Variants in COP1 observed in about 807,000 individuals in gnomAD.
The protein encoded by COP1 is E3 ubiquitin-protein ligase COP1.
In COP1, 24 loss-of-function variants were observed where a neutral mutation model predicts 101.3. The observed-to-expected ratio is 0.24, with a 90% confidence interval of 0.17 to 0.33. The LOEUF is 0.33. Ranked by LOEUF, COP1 falls within the 10% of genes least tolerant of loss-of-function variation. COP1 has a pLI of 1.00. For missense variants in COP1, 663 were observed against 906.2 expected, an observed-to-expected ratio of 0.73 and a Z score of 3.45; for synonymous variants, 347 against 341.9, an observed-to-expected ratio of 1.01 and a Z score of -0.17.
chr1:176,190,990 TA>T (rs1699059464), intron 1 of COP1, among the ~76,000 whole-genome samples: 1 of 152,006 alleles, frequency 6.6e-6, no homozygotes, highest in African/African-American at 2.4e-5. Context: ...AAACAAGCAG[TA>T]GTTACACCTC....
chr1:175,961,932 T>A (rs1231493924), intron 18 of COP1, among the ~76,000 whole-genome samples: 1 of 151,430 alleles, frequency 6.6e-6, no homozygotes, highest in Non-Finnish European at 1.5e-5. Flanking sequence ...GGTTTTGGAA[T>A]GATGACAAAT....
intron 18 of COP1, chr1:175,968,407 A>C (rs1190517525): frequency 1.9e-6 from 1 of 516,216 alleles, no homozygotes; most frequent in Admixed American, 2.0e-5. Flanking sequence ...GGCTGTACGG[A>C]GGGGAACGAT....
intron 9 of COP1, among the ~76,000 whole-genome samples, chr1:176,102,931 C>T (rs1683658975): frequency 6.6e-6 from 1 of 152,202 alleles, no homozygotes; most frequent in Non-Finnish European, 1.5e-5. Context: ...CTAATCAGCA[C>T]TCTTGACTCA....
intron 18 of COP1, among the ~76,000 whole-genome samples, chr1:175,969,426 G>C (rs1652805794): frequency 6.6e-6 from 1 of 152,120 alleles, no homozygotes; most frequent in Admixed American, 6.5e-5. Context: ...TCTCATTCCA[G>C]AGTTGCCTAT....
At chr1:176,162,348 A>G (rs1306399969) in intron 5 of COP1, among the ~76,000 whole-genome samples, 1 of 152,206 alleles carries the variant, frequency 6.6e-6, no homozygotes, top group African/African-American at 2.4e-5. Flanking sequence ...TTCACATTTT[A>G]CGTCTTTAAC....
At chr1:175,949,193 T>C (rs796159456) in intron 18 of COP1, among the ~76,000 whole-genome samples, 6 of 34,822 alleles carry the variant, frequency 1.7e-4, no homozygotes, top group Non-Finnish European at 3.9e-4. Flanking sequence ...AAAAAAAAAA[T>C]GAACATGGGT....
At chr1:175,969,521 C>G (rs190347500) in intron 18 of COP1, among the ~76,000 whole-genome samples, 2 of 152,236 alleles carry the variant, frequency 1.3e-5, no homozygotes, top group East Asian at 3.9e-4. Flanking sequence ...CTAAGTTGCC[C>G]CCAGTTTATT....
intron 15 of COP1, among the ~76,000 whole-genome samples, chr1:176,008,126 C>G (rs1411819753): frequency 1.3e-5 from 2 of 152,220 alleles, no homozygotes; most frequent in Non-Finnish European, 2.9e-5. Context: ...TCCGTCACCC[C>G]TTTCTTTGAC....
Position 176,075,866 on chromosome 1 carries a change from G to A in COP1, c.1277+5286C>T, listed in dbSNP as rs563883367. 5.5e-4 allele frequency among the ~76,000 whole-genome samples: 84 copies of A among 152,084 alleles called. No homozygotes were observed. The South Asian group carries it at 6.7e-3, about 12-fold the overall frequency. ...AAAAATACAAAAATTAGCCAGGCAT[G>A]GTGGTGGGCACCTGTAATCCCAGCT... On this transcript the variant is annotated intron_variant, in intron 11 of 19. Coordinates refer to ENST00000367669, the MANE Select transcript of COP1 (RefSeq NM_022457.7).
At chr1:176,000,374 G>C (rs948784994) in intron 15 of COP1, among the ~76,000 whole-genome samples, 1 of 152,014 alleles carries the variant, frequency 6.6e-6, no homozygotes, top group African/African-American at 2.4e-5. Context: ...TCCAGTGTAT[G>C]TTCTTGGCAA....
At chr1:175,972,640 T>C (rs1445348169) in intron 18 of COP1, among the ~76,000 whole-genome samples, 1 of 151,498 alleles carries the variant, frequency 6.6e-6, no homozygotes, top group Non-Finnish European at 1.5e-5. Context: ...AATTTTTGTA[T>C]TTTTTAGTAG....
At chr1:176,195,358 C>A (rs1346401709) in intron 1 of COP1, among the ~76,000 whole-genome samples, 1 of 152,146 alleles carries the variant, frequency 6.6e-6, no homozygotes, top group East Asian at 1.9e-4. Flanking sequence ...TAAAAGGAGA[C>A]ATAGCCAAAT....
chr1:175,963,151 C>G (rs888435066), intron 18 of COP1, among the ~76,000 whole-genome samples: 1 of 151,978 alleles, frequency 6.6e-6, no homozygotes, highest in Non-Finnish European at 1.5e-5. Flanking sequence ...TCTCTCATTA[C>G]AATGCACTAT....
intron 15 of COP1, among the ~76,000 whole-genome samples, chr1:175,993,774 T>C (rs951675331): frequency 2.0e-5 from 3 of 152,216 alleles, no homozygotes; most frequent in Non-Finnish European, 4.4e-5. Flanking sequence ...CTGATTGGTG[T>C]ACCTGAAAGT....
intron 15 of COP1, among the ~76,000 whole-genome samples, chr1:176,023,718 C>CAAAAAAAAAAAAAAAAAAAAAAA (rs759455090): frequency 8.2e-6 from 1 of 122,094 alleles, no homozygotes; most frequent in Non-Finnish European, 1.6e-5. Flanking sequence ...AACTCCATCT[C>CAAAAAAAAAAAAAAAAAAAAAAA]AAAAAAAAAA....
chr1:176,015,309 C>T (rs1273051029), intron 15 of COP1, among the ~76,000 whole-genome samples: 2 of 152,126 alleles, frequency 1.3e-5, no homozygotes, highest in East Asian at 1.9e-4. Context: ...AGTATTCAGG[C>T]AAGAGGTTAC....
chr1:176,001,504 G>A (rs1231717588), intron 15 of COP1, among the ~76,000 whole-genome samples: 1 of 152,096 alleles, frequency 6.6e-6, no homozygotes, highest in Non-Finnish European at 1.5e-5. Context: ...CTACAGTGAT[G>A]TAAAAATAAT....
intron 11 of COP1, among the ~76,000 whole-genome samples, chr1:176,056,947 C>G (rs1361185416): frequency 6.6e-6 from 1 of 152,008 alleles, no homozygotes; most frequent in Non-Finnish European, 1.5e-5. Flanking sequence ...TTATTTTTGC[C>G]CTTACTCTTC....
chr1:176,062,680 T>G (rs1675077202), intron 11 of COP1, among the ~76,000 whole-genome samples: 1 of 152,220 alleles, frequency 6.6e-6, no homozygotes, highest in East Asian at 1.9e-4. Context: ...CCAAAATGAC[T>G]TGTATATGAA....
Sources: gnomAD v4.1 joint callset for allele counts (sites outside exome capture counted in the v4.1 genomes callset) on GRCh38, gnomAD v4.1.1 for gene constraint, MANE v1.5 for transcripts, NCBI Gene and HGNC (gene_info 2026-07-23, HGNC 2026-07-21) for gene names.